CNOT2: variants seen among roughly 807,000 people sequenced by gnomAD.
CNOT2 encodes the protein CCR4-NOT transcription complex subunit 2.
CNOT2 carries 7 observed loss-of-function variants against 72.1 expected under a neutral mutation model. The ratio of observed to expected loss-of-function variants is 0.10; its 90% CI spans 0.06 to 0.18. CNOT2 has a LOEUF of 0.18. Among genes scored for constraint, CNOT2 ranks in the 10% least tolerant of loss-of-function variants. The pLI is 1.00. For missense variants in CNOT2, 345 were observed against 660.3 expected (o/e 0.52, Z 5.23); for synonymous variants, 196 against 225.6 (o/e 0.87, Z 1.17).
intron 1 of CNOT2, among the ~76,000 whole-genome samples, chr12:70,247,025 G>C (rs1226797926): frequency 3.3e-5 from 5 of 151,916 alleles, no homozygotes; most frequent in Non-Finnish European, 7.4e-5. Flanking sequence ...GAATTATTTA[G>C]GAAAAAATGG....
intron 2 of CNOT2, among the ~76,000 whole-genome samples, chr12:70,291,506 A>T (rs1197137511): frequency 6.6e-6 from 1 of 152,198 alleles, no homozygotes; most frequent in South Asian, 2.1e-4. Context: ...TTCACATTCT[A>T]CCTGAATCAC....
chr12:70,323,400 A>AT (rs1212327831), intron 4 of CNOT2: 1 of 151,780 alleles, frequency 6.6e-6, no homozygotes, highest in Non-Finnish European at 1.5e-5. Context: ...TACACAAATG[A>AT]TTTTACTATG....
chr12:70,346,376 T>G (rs766280502), intron 15 of CNOT2, 52 bp downstream of exon 15: 4 of 1,459,584 alleles, frequency 2.7e-6, no homozygotes, highest in Non-Finnish European at 2.9e-6. Context: ...AAAAAAGAAG[T>G]GTCCTCTTTT....
At chr12:70,288,643 T>C (rs1871332634) in intron 2 of CNOT2, among the ~76,000 whole-genome samples, 1 of 152,222 alleles carries the variant, frequency 6.6e-6, no homozygotes, top group South Asian at 2.1e-4. Flanking sequence ...ATTTTGTTCA[T>C]TGCTGTATCC....
chr12:70,259,812 A>C (rs1178821578), intron 1 of CNOT2, among the ~76,000 whole-genome samples: 2 of 152,228 alleles, frequency 1.3e-5, no homozygotes, highest in Admixed American at 6.5e-5. Flanking sequence ...GAGACTGCTA[A>C]AACCTCTTCT....
intron 1 of CNOT2, chr12:70,243,769 C>A (rs2135667099): frequency 6.6e-6 from 1 of 152,500 alleles, no homozygotes; most frequent in Admixed American, 6.5e-5. Context: ...CGGGCCGCTG[C>A]AGCAGCAGCA....
intron 13 of CNOT2, chr12:70,343,907 A>C (rs1881832074): frequency 2.4e-6 from 1 of 409,552 alleles, no homozygotes. Context: ...TATCAATTAG[A>C]TGTATCAGAA....
chr12:70,348,481 G>A (rs528130250), intron 15 of CNOT2, among the ~76,000 whole-genome samples: 2 of 152,228 alleles, frequency 1.3e-5, no homozygotes, highest in South Asian at 2.1e-4. Flanking sequence ...TGCTACAGGA[G>A]TCAAAAACAT....
At chr12:70,311,688 C>T (rs1876489339) in intron 3 of CNOT2, among the ~76,000 whole-genome samples, 2 of 151,936 alleles carry the variant, frequency 1.3e-5, no homozygotes, top group Admixed American at 6.6e-5. Context: ...TTCTGTTAAG[C>T]TACTTTAAAT....
chr12:70,261,743 C>T (rs1958777503), intron 1 of CNOT2, among the ~76,000 whole-genome samples: 1 of 151,938 alleles, frequency 6.6e-6, no homozygotes, highest in African/African-American at 2.4e-5. Context: ...GGTTCCAAAA[C>T]TCTTCTCTGT....
At chr12:70,262,407 G>A (rs1402389144) in intron 1 of CNOT2, among the ~76,000 whole-genome samples, 3 of 151,878 alleles carry the variant, frequency 2.0e-5, no homozygotes, top group South Asian at 4.1e-4. Context: ...CGAAGTAGCT[G>A]GGACTACAGG....
chr12:70,322,189 A>T (rs544323985), intron 4 of CNOT2: 2 of 151,926 alleles, frequency 1.3e-5, no homozygotes, highest in African/African-American at 2.4e-5. Flanking sequence ...GTTCTCATCA[A>T]CATTACAATG....
At chr12:70,273,472 T>C (rs78086719) in intron 1 of CNOT2, among the ~76,000 whole-genome samples, 3,307 of 152,106 alleles carry the variant, frequency 0.022, 78 homozygotes, top group Admixed American at 0.047. Flanking sequence ...CATGCAGATA[T>C]ATTATTTTCA....
At position 70,353,922 on chromosome 12, in the gene CNOT2, A is replaced by T. The variant is rs972182449; in HGVS notation, c.*7A>T. On this transcript the variant is annotated 3_prime_UTR_variant, in exon 16 of 16. Coordinates refer to ENST00000229195, the MANE Select transcript of CNOT2 (RefSeq NM_014515.7). ...TGCTCAGCAAGCCTTCTAAAAAAAAAAAAAAAAAAAAAAAAAGACTTCCCT... is the reference window on the plus strand; with the variant it reads ...TGCTCAGCAAGCCTTCTAAAAAAAATAAAAAAAAAAAAAAAAGACTTCCCT... The T allele has an allele frequency of 1.1e-5, 17 of 1,575,638 alleles. No homozygotes were observed. The highest frequency in any genetic ancestry group is 1.4e-5 in the Non-Finnish European group (16 of 1,167,206).
chr12:70,251,973 G>C (rs1349399934), intron 1 of CNOT2, among the ~76,000 whole-genome samples: 1 of 152,092 alleles, frequency 6.6e-6, no homozygotes, highest in African/African-American at 2.4e-5. Flanking sequence ...TCCCTACATA[G>C]GTGCTGATAT....
chr12:70,339,014 ATG>A (rs143055295), intron 11 of CNOT2, among the ~76,000 whole-genome samples, 192 bp downstream of exon 11: 5,747 of 130,860 alleles, frequency 0.044, 138 homozygotes, highest in African/African-American at 0.07. Context: ...TTGGCATTTT[ATG>A]TGTGTGTGTG....
intron 1 of CNOT2, among the ~76,000 whole-genome samples, chr12:70,247,244 C>T (rs1957921147): frequency 1.3e-5 from 2 of 151,820 alleles, no homozygotes; most frequent in South Asian, 4.2e-4. Flanking sequence ...GGCTCGCTAC[C>T]ACCTCCGCCT....
Position 70,317,868 on chromosome 12 carries a change from G to A in CNOT2, c.172-1430G>A, listed in dbSNP as rs117899817. Among the ~76,000 whole-genome samples, 120 of 151,440 alleles carry A rather than the reference G, an allele frequency of 7.9e-4. 1 individual carries two copies. In the East Asian group the frequency reaches 0.02, roughly 25 times the overall value. ...GTTTTACCTCAGCACCACAAGACAG[G>A]GTGAGAAAATAGAAAAAAAAACAAA... On this transcript the variant is annotated intron_variant, in intron 3 of 15. Coordinates refer to ENST00000229195, the MANE Select transcript of CNOT2 (RefSeq NM_014515.7).
At chr12:70,335,754 C>A in intron 8 of CNOT2, 191 bp downstream of exon 8, 1 of 402,278 alleles carries the variant, frequency 2.5e-6, no homozygotes. Context: ...ACCATGATAG[C>A]AAAGTTAAAT....
Sources: allele counts gnomAD v4.1 joint callset (sites outside exome capture counted in the v4.1 genomes callset), GRCh38; gene constraint gnomAD v4.1.1; transcripts MANE v1.5; gene names NCBI Gene and HGNC (gene_info 2026-07-23, HGNC 2026-07-21).